The following FAM168A variants were observed in gnomAD, a reference collection of about 807,000 sequenced individuals.
The protein encoded by FAM168A is protein FAM168A.
Under a neutral mutation model 28.5 loss-of-function variants are expected in FAM168A, and 3 were observed. The observed-to-expected ratio is 0.11, with a 90% CI of 0.05 to 0.27. The LOEUF (loss-of-function observed/expected upper bound fraction) is 0.27, where lower values mean the gene tolerates loss of function less well. FAM168A is among the 10% of genes least tolerant of loss of function. The pLI is 1.00. For missense variants in FAM168A, 222 were observed against 311.5 expected, an observed-to-expected ratio of 0.71 and a Z score of 2.16; for synonymous variants, 122 against 124.2, an observed-to-expected ratio of 0.98 and a Z score of 0.12.
chr11:73,459,879 A>ATTTTTTT (rs918564469), intron 2 of FAM168A, among the ~76,000 whole-genome samples: 4 of 108,456 alleles, frequency 3.7e-5, no homozygotes, highest in African/African-American at 1.2e-4. Flanking sequence ...ATCCAAATGA[A>ATTTTTTT]TTTTTTTTTT....
intron 2 of FAM168A, among the ~76,000 whole-genome samples, chr11:73,458,764 C>A (rs1232583593): frequency 6.6e-6 from 1 of 152,114 alleles, no homozygotes; most frequent in Non-Finnish European, 1.5e-5. Context: ...GTGCCTGCTA[C>A]CACGCCCGGC....
At chr11:73,496,907 GCACACACA>G (rs1261773386) in intron 1 of FAM168A, among the ~76,000 whole-genome samples, 3 of 116,652 alleles carry the variant, frequency 2.6e-5, no homozygotes, top group African/African-American at 4.8e-5. Flanking sequence ...ACACACACAC[GCACACACA>G]CGCACACACA....
chr11:73,496,048 T>C (rs545246154), intron 1 of FAM168A, among the ~76,000 whole-genome samples: 1 of 152,184 alleles, frequency 6.6e-6, no homozygotes, highest in African/African-American at 2.4e-5. Flanking sequence ...AATGAATGGA[T>C]AAAGAAAATG....
At chr11:73,429,077 G>A (rs905052332) in intron 3 of FAM168A, among the ~76,000 whole-genome samples, 1 of 152,178 alleles carries the variant, frequency 6.6e-6, no homozygotes, top group Non-Finnish European at 1.5e-5. Context: ...ACTTAGAGAT[G>A]GGGGAAATGA....
chr11:73,500,579 A>G (rs1365968624), intron 1 of FAM168A, among the ~76,000 whole-genome samples: 1 of 152,102 alleles, frequency 6.6e-6, no homozygotes, highest in African/African-American at 2.4e-5. Context: ...TTTCATATCC[A>G]GCCAAACTAA....
intron 1 of FAM168A, among the ~76,000 whole-genome samples, chr11:73,528,065 A>G (rs985343916): frequency 3.3e-5 from 5 of 152,240 alleles, no homozygotes; most frequent in African/African-American, 1.2e-4. Context: ...CATGCAGTGG[A>G]TAATCACAAA....
At chr11:73,461,933 G>A (rs1445703092) in intron 2 of FAM168A, among the ~76,000 whole-genome samples, 1 of 152,098 alleles carries the variant, frequency 6.6e-6, no homozygotes, top group Non-Finnish European at 1.5e-5. Flanking sequence ...CCATTATGAT[G>A]GCTATTATTT....
chr11:73,418,191 G>A (rs924863085), intron 4 of FAM168A, among the ~76,000 whole-genome samples: 2 of 152,214 alleles, frequency 1.3e-5, no homozygotes, highest in African/African-American at 2.4e-5. Context: ...TTAGATGTTT[G>A]TTTCCTCCAA....
chr11:73,562,369 G>T (rs376120634), intron 1 of FAM168A, among the ~76,000 whole-genome samples: 15 of 152,322 alleles, frequency 9.8e-5, no homozygotes, highest in Admixed American at 2.0e-4. Flanking sequence ...TATCTAGCAG[G>T]TCCTTATAAA....
At chr11:73,443,458 T>C (rs1158053876) in intron 2 of FAM168A, among the ~76,000 whole-genome samples, 2 of 152,184 alleles carry the variant, frequency 1.3e-5, no homozygotes, top group South Asian at 2.1e-4. Flanking sequence ...GAGGGAGATA[T>C]AAGCGTTGTG....
intron 2 of FAM168A, among the ~76,000 whole-genome samples, chr11:73,443,125 G>A (rs1433550039): frequency 6.6e-6 from 1 of 151,360 alleles, no homozygotes; most frequent in Non-Finnish European, 1.5e-5. Flanking sequence ...CCCAAAGCCT[G>A]TATCCTACAA....
At chr11:73,503,750 T>A (rs1855055288) in intron 1 of FAM168A, among the ~76,000 whole-genome samples, 1 of 152,160 alleles carries the variant, frequency 6.6e-6, no homozygotes, top group Non-Finnish European at 1.5e-5. Flanking sequence ...CTACAAGGCT[T>A]CAAACTATAC....
At chr11:73,474,244 G>A (rs575168053) in intron 1 of FAM168A, among the ~76,000 whole-genome samples, 20 of 152,274 alleles carry the variant, frequency 1.3e-4, no homozygotes, top group Admixed American at 2.0e-4. Context: ...TCAAGGGGAC[G>A]GCATCTGGCA....
intron 1 of FAM168A, among the ~76,000 whole-genome samples, chr11:73,489,667 C>T (rs945075248): frequency 3.3e-5 from 5 of 152,118 alleles, no homozygotes; most frequent in Admixed American, 6.5e-5. Flanking sequence ...CATGCCACCA[C>T]TCCTGGCTAA....
At chr11:73,568,701 C>T (rs1944050540) in intron 1 of FAM168A, among the ~76,000 whole-genome samples, 1 of 152,088 alleles carries the variant, frequency 6.6e-6, no homozygotes, top group South Asian at 2.1e-4. Context: ...TTGAGCCCAG[C>T]CTGGCCAACT....
intron 1 of FAM168A, among the ~76,000 whole-genome samples, chr11:73,501,558 A>G (rs1375860285): frequency 6.6e-6 from 1 of 152,248 alleles, no homozygotes; most frequent in Non-Finnish European, 1.5e-5. Flanking sequence ...ACACAATTTC[A>G]TGGAAATTGA....
intron 1 of FAM168A, among the ~76,000 whole-genome samples, chr11:73,503,360 G>A (rs1306877460): frequency 1.3e-5 from 2 of 152,012 alleles, no homozygotes; most frequent in Non-Finnish European, 2.9e-5. Context: ...ACCAACAATA[G>A]GCAAGCAGAA....
At chr11:73,539,566 C>T (rs1451089629) in intron 1 of FAM168A, among the ~76,000 whole-genome samples, 1 of 152,154 alleles carries the variant, frequency 6.6e-6, no homozygotes, top group Non-Finnish European at 1.5e-5. Context: ...CGGGCCCAGA[C>T]ACAATCAAGA....
chr11:73,494,302 C>G (rs561990619), intron 1 of FAM168A, among the ~76,000 whole-genome samples: 230 of 152,262 alleles, frequency 1.5e-3, no homozygotes, highest in Non-Finnish European at 2.7e-3. Flanking sequence ...AGAACAGGAC[C>G]TCAGGCCCCT....
Sources: allele counts gnomAD v4.1 joint callset (sites outside exome capture counted in the v4.1 genomes callset), GRCh38; gene constraint gnomAD v4.1.1; transcripts MANE v1.5; gene names NCBI Gene and HGNC (gene_info 2026-07-23, HGNC 2026-07-21).